The following DLGAP1 variants were observed in gnomAD, a reference collection of about 807,000 sequenced individuals.
DLGAP1 encodes DLG associated protein 1, also known as disks large-associated protein 1.
DLGAP1 carries 11 observed loss-of-function variants against 90.8 expected under a neutral mutation model. That is an observed-to-expected ratio of 0.12 (90% CI 0.08 to 0.20). The LOEUF (loss-of-function observed/expected upper bound fraction) is 0.20. Ranked by LOEUF, DLGAP1 falls within the 10% of genes least tolerant of loss-of-function variation. The pLI is 1.00. For missense variants in DLGAP1, 1,050 were observed against 1,333.8 expected (o/e 0.79, Z 3.31); for synonymous variants, 558 against 540.7 (o/e 1.03, Z -0.44).
chr18:4,053,013 C>G (rs1271241701), intron 2 of DLGAP1, among the ~76,000 whole-genome samples: 1 of 152,170 alleles, frequency 6.6e-6, no homozygotes, highest in African/African-American at 2.4e-5. Flanking sequence ...GAGTTCCAAA[C>G]TTTCCCACAT....
chr18:3,882,981 C>G (rs1295528366), intron 3 of DLGAP1, among the ~76,000 whole-genome samples: 1 of 152,178 alleles, frequency 6.6e-6, no homozygotes. Flanking sequence ...CGGTGGCTCA[C>G]GCCTGTAATC....
intron 2 of DLGAP1, among the ~76,000 whole-genome samples, chr18:4,135,786 G>C (rs931467863): frequency 9.7e-6 from 1 of 103,114 alleles, no homozygotes; most frequent in African/African-American, 5.1e-5. Context: ...GAGAGAATCT[G>C]ATTCTTTTTT....
chr18:3,948,686 T>C (rs76186652), intron 3 of DLGAP1, among the ~76,000 whole-genome samples: 3 of 152,296 alleles, frequency 2.0e-5, no homozygotes, highest in East Asian at 3.9e-4. Context: ...TTCTAAGTGA[T>C]GTAACTCAGG....
chr18:3,964,534 A>G (rs1259039200), intron 3 of DLGAP1, among the ~76,000 whole-genome samples: 1 of 152,166 alleles, frequency 6.6e-6, no homozygotes, highest in African/African-American at 2.4e-5. Flanking sequence ...ATAAGGCTGG[A>G]GATACGAGAT....
At chr18:3,523,996 C>T (rs1326048784) in intron 10 of DLGAP1, among the ~76,000 whole-genome samples, 1 of 152,130 alleles carries the variant, frequency 6.6e-6, no homozygotes, top group Non-Finnish European at 1.5e-5. Context: ...AGGCCAGGTG[C>T]ATTTGCTCTT....
At chr18:4,018,783 C>T (rs1383423497) in intron 2 of DLGAP1, among the ~76,000 whole-genome samples, 2 of 152,180 alleles carry the variant, frequency 1.3e-5, no homozygotes, top group Non-Finnish European at 2.9e-5. Context: ...TGTATTATGA[C>T]TTCGTCATTA....
chr18:4,006,374 A>G (rs1326522205), intron 2 of DLGAP1, among the ~76,000 whole-genome samples: 1 of 152,148 alleles, frequency 6.6e-6, no homozygotes, highest in East Asian at 1.9e-4. Context: ...TCTTCTCTCC[A>G]TGGGAAGCAC....
At chr18:3,684,149 A>G (rs1351446882) in intron 7 of DLGAP1, among the ~76,000 whole-genome samples, 1 of 145,826 alleles carries the variant, frequency 6.9e-6, no homozygotes, top group Non-Finnish European at 1.5e-5. Context: ...CCATATATTT[A>G]TAATATGATT....
chr18:4,436,149 A>G (rs2083393449), intron 1 of DLGAP1, among the ~76,000 whole-genome samples: 1 of 152,220 alleles, frequency 6.6e-6, no homozygotes, highest in African/African-American at 2.4e-5. Flanking sequence ...ACATGGTCAT[A>G]TTAGGGAGAT....
In DLGAP1 at chr18:3,911,904, A is replaced by G. The variant is rs141101665; in HGVS notation, c.-72-31764T>C. Reference sequence around the variant, plus strand: ...GCATACAGCAGTGAAAAGTCACTCAATGGCAGTTGGTTATCAAAGTGGGTC... The same window carrying G: ...GCATACAGCAGTGAAAAGTCACTCAGTGGCAGTTGGTTATCAAAGTGGGTC... On this transcript the variant is annotated intron_variant, in intron 3 of 12. Coordinates refer to ENST00000315677, the MANE Select transcript of DLGAP1 (RefSeq NM_004746.4). Among the ~76,000 whole-genome samples the G allele has an allele frequency of 3.5e-4, 53 of 152,354 alleles. No homozygotes were observed. The East Asian group carries it at 5.0e-3, about 14-fold the overall frequency.
chr18:3,528,846 G>A (rs138010748), intron 10 of DLGAP1, among the ~76,000 whole-genome samples: 31 of 152,194 alleles, frequency 2.0e-4, no homozygotes, highest in Admixed American at 5.9e-4. Flanking sequence ...CTCCTATTTC[G>A]TGTCTCTCAA....
At chr18:3,665,175 G>A (rs1479052050) in intron 7 of DLGAP1, among the ~76,000 whole-genome samples, 1 of 152,166 alleles carries the variant, frequency 6.6e-6, no homozygotes, top group Non-Finnish European at 1.5e-5. Flanking sequence ...TCTCCTAAAA[G>A]TCTAAAGAAA....
chr18:4,223,789 AC>A (rs2078129070), intron 1 of DLGAP1, among the ~76,000 whole-genome samples: 1 of 152,106 alleles, frequency 6.6e-6, no homozygotes, highest in Non-Finnish European at 1.5e-5. Context: ...ATAAAATATC[AC>A]CCTTCCCAGT....
At chr18:3,821,169 A>G (rs1183602582) in intron 4 of DLGAP1, among the ~76,000 whole-genome samples, 1 of 151,652 alleles carries the variant, frequency 6.6e-6, no homozygotes, top group East Asian at 1.9e-4. Context: ...ATGTGCCTAT[A>G]GTCCTAGCTA....
chr18:3,658,104 T>C (rs893811905), intron 7 of DLGAP1, among the ~76,000 whole-genome samples: 2 of 152,186 alleles, frequency 1.3e-5, no homozygotes, highest in Non-Finnish European at 2.9e-5. Context: ...TCAGTACCCA[T>C]ACCATGGCAT....
At chr18:3,542,740 T>C (rs2052764454) in intron 9 of DLGAP1, among the ~76,000 whole-genome samples, 1 of 152,220 alleles carries the variant, frequency 6.6e-6, no homozygotes, top group Admixed American at 6.5e-5. Flanking sequence ...CACTTTCAGT[T>C]GTGAAGATGG....
chr18:4,012,280 T>C (rs1599324314), intron 2 of DLGAP1, among the ~76,000 whole-genome samples: 1 of 152,222 alleles, frequency 6.6e-6, no homozygotes, highest in Admixed American at 6.5e-5. Context: ...GCACAGACTT[T>C]AGTGGATCCC....
At chr18:3,704,811 C>T (rs112341620) in intron 7 of DLGAP1, among the ~76,000 whole-genome samples, 3,218 of 152,200 alleles carry the variant, frequency 0.021, 69 homozygotes, top group Non-Finnish European at 0.028. Flanking sequence ...TTATCTGTCA[C>T]TCAGCTGTGG....
rs772935056 is a variant in DLGAP1 at position 3,534,405 on chromosome 18, G to A, written c.2268C>T (p.Asp756=). 39 of 1,614,086 alleles carry A rather than the reference G, an allele frequency of 2.4e-5. No individual in the cohort carries two copies. Among genetic ancestry groups the A allele is most frequent in the African/African-American group, 9.3e-5 (7 of 74,940 alleles). Residue 756 remains aspartate (D), a synonymous_variant, in exon 10 of 13, where the codon GAC becomes GAT. Transcript: ENST00000315677. ...NHYHACAADD[D]FDTDFDPSIL... ...TAGAGGGGTCAAAATCCGTGTCAAAGTCATCATCGGCGGCACAGGCATGGT... is the reference window on the plus strand; with the variant it reads ...TAGAGGGGTCAAAATCCGTGTCAAAATCATCATCGGCGGCACAGGCATGGT...
Sources: gnomAD v4.1 joint callset for allele counts (sites outside exome capture counted in the v4.1 genomes callset) on GRCh38, gnomAD v4.1.1 for gene constraint, MANE v1.5 for transcripts, NCBI Gene and HGNC (gene_info 2026-07-23, HGNC 2026-07-21) for gene names.